DYM: variants seen among roughly 807,000 people sequenced by gnomAD.
DYM encodes dymeclin, also known as dyggve-Melchior-Clausen syndrome protein.
DYM carries 78 observed loss-of-function variants against 93.1 expected under a neutral mutation model. The ratio of observed to expected loss-of-function variants is 0.84; its 90% CI spans 0.70 to 1.01. The LOEUF (loss-of-function observed/expected upper bound fraction) is 1.01, where lower values mean the gene tolerates loss of function less well. Ranked by LOEUF, DYM falls within the 50% of genes least tolerant of loss-of-function variation. The probability of loss-of-function intolerance (pLI) is 0.00; values close to 1 mark genes in which losing one functional copy is unlikely to be tolerated. For missense variants in DYM, 789 were observed against 845.0 expected, an observed-to-expected ratio of 0.93 and a Z score of 0.82; for synonymous variants, 321 against 319.7, an observed-to-expected ratio of 1.00 and a Z score of -0.04.
At chr18:49,251,644 G>A (rs773264164) in intron 13 of DYM, among the ~76,000 whole-genome samples, 2 of 152,146 alleles carry the variant, frequency 1.3e-5, no homozygotes, top group Non-Finnish European at 2.9e-5. Context: ...AAATGTCAAC[G>A]CACTTCATCC....
chr18:49,136,716 C>A (rs567540318), intron 15 of DYM, among the ~76,000 whole-genome samples: 1 of 152,138 alleles, frequency 6.6e-6, no homozygotes, highest in Admixed American at 6.5e-5. Context: ...TGAAGGAAAT[C>A]CTCTTCTTTT....
At chr18:49,068,115 AG>A (rs2144814838) in intron 17 of DYM, among the ~76,000 whole-genome samples, 1 of 152,316 alleles carries the variant, frequency 6.6e-6, no homozygotes, top group East Asian at 1.9e-4. Flanking sequence ...AGCTTTTTTG[AG>A]GCTGCTTTGA....
intron 13 of DYM, among the ~76,000 whole-genome samples, chr18:49,240,594 C>T (rs2144695752): frequency 6.6e-6 from 1 of 152,302 alleles, no homozygotes; most frequent in African/African-American, 2.4e-5. Context: ...AGTTGTCAAA[C>T]TCATGATGCC....
At chr18:49,067,242 G>T (rs2076494507) in intron 17 of DYM, among the ~76,000 whole-genome samples, 1 of 77,128 alleles carries the variant, frequency 1.3e-5, no homozygotes. Context: ...GAAGGAGTGG[G>T]GTGACATGTT....
intron 1 of DYM, among the ~76,000 whole-genome samples, chr18:49,448,066 C>G (rs548086787): frequency 4.6e-5 from 7 of 152,272 alleles, no homozygotes; most frequent in Non-Finnish European, 8.8e-5. Flanking sequence ...TCCAATGAAA[C>G]ATCCTAGCCT....
intron 3 of DYM, among the ~76,000 whole-genome samples, chr18:49,384,040 C>T (rs973735528): frequency 3.9e-5 from 6 of 152,016 alleles, no homozygotes; most frequent in Non-Finnish European, 8.8e-5. Context: ...GAAAAGAGAG[C>T]AAGCCAGGCA....
chr18:49,098,561 A>G (rs1200921410), intron 16 of DYM, among the ~76,000 whole-genome samples: 1 of 152,230 alleles, frequency 6.6e-6, no homozygotes, highest in Non-Finnish European at 1.5e-5. Context: ...ATTCTGTGGC[A>G]ATGAGTGAGA....
rs1282957869 is a variant in DYM at position 49,037,245 on chromosome 18, A to G, written c.*6810T>C. 6.6e-6 allele frequency among the ~76,000 whole-genome samples: 1 copy of G among 151,882 alleles called. No individual in the cohort carries two copies. The highest frequency in any genetic ancestry group is 1.5e-5 in the Non-Finnish European group (1 of 67,950). On this transcript the variant is annotated 3_prime_UTR_variant, in exon 18 of 18. Coordinates refer to ENST00000675505, the MANE Select transcript of DYM (RefSeq NM_001353214.3). ...TTTTGACTTTGATTCCCTTTATTGTATATTTGTGTTCTATATCAGTAATTT... is the reference window on the plus strand; with the variant it reads ...TTTTGACTTTGATTCCCTTTATTGTGTATTTGTGTTCTATATCAGTAATTT...
At chr18:49,429,512 T>C (rs2074608380) in intron 2 of DYM, among the ~76,000 whole-genome samples, 1 of 152,216 alleles carries the variant, frequency 6.6e-6, no homozygotes, top group Non-Finnish European at 1.5e-5. Flanking sequence ...AAATATGAGA[T>C]ATTATTTTTC....
chr18:49,111,189 TTC>T (rs2145849219), intron 16 of DYM, among the ~76,000 whole-genome samples: 1 of 152,198 alleles, frequency 6.6e-6, no homozygotes, highest in Admixed American at 6.5e-5. Context: ...TAACATATTC[TTC>T]TTTTTTTTTT....
intron 17 of DYM, among the ~76,000 whole-genome samples, chr18:49,051,079 A>C (rs372576572): frequency 6.6e-6 from 1 of 152,204 alleles, no homozygotes. Flanking sequence ...AAGCTGAAAG[A>C]AGCTCAGGCC....
chr18:49,348,530 A>G (rs1004803403), intron 6 of DYM, among the ~76,000 whole-genome samples: 2 of 152,070 alleles, frequency 1.3e-5, no homozygotes, highest in Admixed American at 1.3e-4. Context: ...TATCGACCAC[A>G]TTACCTATCA....
intron 2 of DYM, among the ~76,000 whole-genome samples, chr18:49,397,775 C>T (rs4939871): frequency 0.94 from 143,084 of 152,342 alleles, 67,267 homozygotes; most frequent in East Asian, 1. Flanking sequence ...ATAAAATACA[C>T]ACCATATTTC....
intron 13 of DYM, among the ~76,000 whole-genome samples, chr18:49,217,212 T>A (rs939901667): frequency 6.6e-6 from 1 of 152,038 alleles, no homozygotes; most frequent in African/African-American, 2.4e-5. Context: ...GAAAAAAGAA[T>A]AAAAAGAAAC....
intron 5 of DYM, among the ~76,000 whole-genome samples, chr18:49,367,225 A>C (rs1294952188): frequency 6.6e-6 from 1 of 152,218 alleles, no homozygotes; most frequent in Non-Finnish European, 1.5e-5. Flanking sequence ...CAATGAATAA[A>C]TATAAGCTAT....
At chr18:49,433,658 A>G (rs1444680282) in intron 1 of DYM, among the ~76,000 whole-genome samples, 1 of 152,144 alleles carries the variant, frequency 6.6e-6, no homozygotes, top group Non-Finnish European at 1.5e-5. Flanking sequence ...ACTTAAGGCC[A>G]GAAGTTCGAG....
intron 16 of DYM, among the ~76,000 whole-genome samples, chr18:49,101,704 T>C (rs1006321952): frequency 2.2e-4 from 33 of 152,162 alleles, no homozygotes; most frequent in Non-Finnish European, 3.8e-4. Flanking sequence ...ACATATATAT[T>C]TCCTCATTGA....
At chr18:49,312,928 A>G (rs760337771) in intron 8 of DYM, among the ~76,000 whole-genome samples, 1 of 152,200 alleles carries the variant, frequency 6.6e-6, no homozygotes, top group Non-Finnish European at 1.5e-5. Flanking sequence ...TCCTAATCAC[A>G]TGTGCCACAA....
intron 11 of DYM, among the ~76,000 whole-genome samples, chr18:49,271,067 A>G (rs556143354): frequency 6.6e-6 from 1 of 152,288 alleles, no homozygotes; most frequent in South Asian, 2.1e-4. Flanking sequence ...TCGACTTCTT[A>G]GTGCTTACTC....
Sources: gnomAD v4.1 joint callset for allele counts (sites outside exome capture counted in the v4.1 genomes callset) on GRCh38, gnomAD v4.1.1 for gene constraint, MANE v1.5 for transcripts, NCBI Gene and HGNC (gene_info 2026-07-23, HGNC 2026-07-21) for gene names.